PRDM16: variants seen among roughly 807,000 people sequenced by gnomAD.
The protein encoded by PRDM16 is PR/SET domain 16.
PRDM16 carries 23 observed loss-of-function variants against 110.6 expected under a neutral mutation model. The observed-to-expected ratio is 0.21, with a 90% confidence interval of 0.15 to 0.29. The LOEUF (loss-of-function observed/expected upper bound fraction) is 0.29. Among genes scored for constraint, PRDM16 ranks in the 10% least tolerant of loss-of-function variants. PRDM16 has a pLI of 1.00. For missense variants in PRDM16, 1,615 were observed against 1,794.3 expected, an observed-to-expected ratio of 0.90 and a Z score of 1.81; for synonymous variants, 799 against 781.8, an observed-to-expected ratio of 1.02 and a Z score of -0.37.
chr1:3,216,039 T>C (rs1639024793), intron 2 of PRDM16, among the ~76,000 whole-genome samples: 1 of 152,178 alleles, frequency 6.6e-6, no homozygotes. Context: ...AAATTATTCA[T>C]ACATTTATGA....
Position 3,298,238 on chromosome 1 carries a change from C to T in PRDM16, c.438+54101C>T, listed in dbSNP as rs143873978. Among the ~76,000 whole-genome samples, 902 of 152,350 alleles carry T rather than the reference C, an allele frequency of 5.9e-3. 10 individuals carry two copies. Among genetic ancestry groups the T allele is most frequent in the African/African-American group, 0.019 (806 of 41,590 alleles). On this transcript the variant is annotated intron_variant, in intron 3 of 16. Transcript: ENST00000270722. ...TGAGTGTGCAGGGGACACTTTCCTC[C>T]GCAAATGCACCTCGTGTTCGAGTCC... is the stretch of plus-strand genomic sequence containing the variant.
intron 3 of PRDM16, among the ~76,000 whole-genome samples, chr1:3,343,285 G>A (rs191482549): frequency 6.9e-6 from 1 of 145,844 alleles, no homozygotes; most frequent in East Asian, 2.0e-4. Context: ...TTTGTGAAGT[G>A]TTCGTTCAAG....
Position 3,434,377 on chromosome 1 carries a change from T to C in PRDM16, c.*566T>C, listed in dbSNP as rs1638852705. The C allele has an allele frequency of 1.3e-5, 3 of 231,872 alleles. No individual in the cohort carries two copies. Among genetic ancestry groups the C allele is most frequent in the Middle Eastern group, 1.3e-3 (1 of 792 alleles). The allele number at this position is 231,872 out of a possible 1,614,324, so 14.4% of individuals were successfully genotyped here. ...AAAGTAATTTTGCATTGCTTTGAAA[T>C]TTGAGCTCATTTGCAAACCCGAGTC... On this transcript the variant is annotated 3_prime_UTR_variant, in exon 17 of 17. Transcript: ENST00000270722.
chr1:3,373,647 G>T (rs1036749764), intron 3 of PRDM16, among the ~76,000 whole-genome samples: 6 of 152,202 alleles, frequency 3.9e-5, no homozygotes, highest in Non-Finnish European at 8.8e-5. Flanking sequence ...CAGGACAGAC[G>T]CGGGACCTGG....
chr1:3,119,569 T>C (rs1035438094), intron 1 of PRDM16, among the ~76,000 whole-genome samples: 2 of 151,916 alleles, frequency 1.3e-5, no homozygotes, highest in Non-Finnish European at 2.9e-5. Flanking sequence ...CAGGGGGTGA[T>C]GTTGTGTGTT....
At chr1:3,430,840 A>G in intron 14 of PRDM16, 32 bp from the exon 15 acceptor site, 1 of 1,609,754 alleles carries the variant, frequency 6.2e-7, no homozygotes, top group South Asian at 1.1e-5. Flanking sequence ...GAGACACCCA[A>G]ACTCAGTCAA....
chr1:3,426,608 A>T (rs1331046514), intron 14 of PRDM16, among the ~76,000 whole-genome samples: 1 of 152,238 alleles, frequency 6.6e-6, no homozygotes, highest in Non-Finnish European at 1.5e-5. Flanking sequence ...GCACCTTTAT[A>T]CACACATGTA....
At position 3,411,724 on chromosome 1, in the gene PRDM16, A is replaced by G; in HGVS notation, c.1527A>G (p.Ala509=). 1 of 1,609,364 alleles carries G rather than the reference A, an allele frequency of 6.2e-7. No individual in the cohort carries two copies. Among genetic ancestry groups the G allele is most frequent in the Non-Finnish European group, 8.5e-7 (1 of 1,177,996 alleles). ...PFSTAPPTFP[A]LTPGFPGIFP... is the part of the protein sequence containing the mutation. ...CCACGGCGCCTCCCACGTTCCCCGC[A>G]CTCACCCCCGGCTTCCCGGGCATCT... Residue 509 remains alanine, a synonymous_variant, in exon 9 of 17, where the codon GCA becomes GCG. Coordinates refer to ENST00000270722, the MANE Select transcript of PRDM16 (RefSeq NM_022114.4).
rs142693453 is a variant in PRDM16 at position 3,424,206 on chromosome 1, C to T, written c.2940-1375C>T. On this transcript the variant is annotated intron_variant, in intron 12 of 16. Transcript: ENST00000270722. ...TTCCTCCTTAGCTCATCCCCAGCTC[C>T]CCCTCTTCGTTTCAGGCATGATTTT... 9.7e-3 allele frequency among the ~76,000 whole-genome samples: 1,482 copies of T among 152,366 alleles called. 9 individuals carry two copies. Among genetic ancestry groups the T allele is most frequent in the Non-Finnish European group, 0.015 (1,048 of 68,040 alleles).
chr1:3,194,936 T>C (rs906565338), intron 2 of PRDM16, among the ~76,000 whole-genome samples: 1 of 152,112 alleles, frequency 6.6e-6, no homozygotes, highest in African/African-American at 2.4e-5. Context: ...CCACTCTGCG[T>C]GGAGAGTTCT....
At chr1:3,294,828 T>C (rs1641050551) in intron 3 of PRDM16, among the ~76,000 whole-genome samples, 1 of 152,244 alleles carries the variant, frequency 6.6e-6, no homozygotes, top group African/African-American at 2.4e-5. Flanking sequence ...CCAATGTTTT[T>C]GTTCTTATTT....
At chr1:3,179,692 G>A (rs1040981252) in intron 1 of PRDM16, among the ~76,000 whole-genome samples, 4 of 151,982 alleles carry the variant, frequency 2.6e-5, no homozygotes, top group Non-Finnish European at 5.9e-5. Context: ...CCGCTCTCAA[G>A]GCCGGGCACC....
chr1:3,373,359 T>C (rs1642937322), intron 3 of PRDM16, among the ~76,000 whole-genome samples: 1 of 152,136 alleles, frequency 6.6e-6, no homozygotes, highest in Admixed American at 6.5e-5. Flanking sequence ...AGCGTGCCTT[T>C]GCGGTGACCC....
chr1:3,417,055 G>C (rs569132586), intron 10 of PRDM16, among the ~76,000 whole-genome samples: 1 of 152,312 alleles, frequency 6.6e-6, no homozygotes, highest in African/African-American at 2.4e-5. Context: ...CCTCAGTGGG[G>C]CCAGGACAGT....
Position 3,434,159 on chromosome 1 carries a change from C to T in PRDM16, c.*348C>T, listed in dbSNP as rs1040395577. 7 of 318,144 alleles carry T rather than the reference C, an allele frequency of 2.2e-5. No individual in the cohort carries two copies. The highest frequency in any genetic ancestry group is 6.9e-5 in the South Asian group (1 of 14,534). 19.7% of individuals were successfully genotyped at this position (318,144 alleles called of 1,614,324 possible). The stretch of plus-strand genomic sequence containing the variant: ...GCTGGTGGCCACTGCCGGGTGCCCG[C>T]GTGGGGTCGCGGAAGGGAATGGATA... On this transcript the variant is annotated 3_prime_UTR_variant, in exon 17 of 17. Coordinates refer to ENST00000270722, the MANE Select transcript of PRDM16 (RefSeq NM_022114.4).
At chr1:3,377,817 A>G (rs1021772943) in intron 3 of PRDM16, among the ~76,000 whole-genome samples, 4 of 152,152 alleles carry the variant, frequency 2.6e-5, no homozygotes, top group African/African-American at 9.7e-5. Context: ...GTGTTCATTG[A>G]TCACGCGCAA....
At chr1:3,107,363 T>C (rs940129359) in intron 1 of PRDM16, among the ~76,000 whole-genome samples, 2 of 152,104 alleles carry the variant, frequency 1.3e-5, no homozygotes, top group Non-Finnish European at 2.9e-5. Flanking sequence ...GGGGGAGCCA[T>C]TGATTTTGTG....
intron 1 of PRDM16, among the ~76,000 whole-genome samples, chr1:3,134,002 T>C (rs1425678612): frequency 6.6e-6 from 1 of 152,072 alleles, no homozygotes; most frequent in Non-Finnish European, 1.5e-5. Flanking sequence ...CCCCCAAGAC[T>C]GCAAAGCACT....
chr1:3,354,447 G>A lies in PRDM16; in HGVS notation c.439-30705G>A, dbSNP rs568269639. On this transcript the variant is annotated intron_variant, in intron 3 of 16. Transcript: ENST00000270722. Reference sequence around the variant, plus strand: ...TGCACTCCAGCCTGGGTGACAGGGCGAGACTCTGCCTCAAAAAAAAAAAAA... The same window carrying A: ...TGCACTCCAGCCTGGGTGACAGGGCAAGACTCTGCCTCAAAAAAAAAAAAA... Among the ~76,000 whole-genome samples the A allele has an allele frequency of 8.1e-5, 11 of 136,058 alleles. No individual in the cohort carries two copies. The East Asian group carries it at 1.0e-3, about 13-fold the overall frequency. 89.3% of individuals were successfully genotyped at this position (136,058 alleles called of 152,430 possible).
Sources: allele counts gnomAD v4.1 joint callset (sites outside exome capture counted in the v4.1 genomes callset), GRCh38; gene constraint gnomAD v4.1.1; transcripts MANE v1.5; gene names NCBI Gene and HGNC (gene_info 2026-07-23, HGNC 2026-07-21).